The following GARNL3 variants were observed in gnomAD, a reference collection of about 807,000 sequenced individuals.
GARNL3 encodes the protein GTPase-activating Rap/Ran-GAP domain-like protein 3.
Under a neutral mutation model 125.0 loss-of-function variants are expected in GARNL3, and 63 were observed. That is an observed-to-expected ratio of 0.50 (90% CI 0.41 to 0.62). The LOEUF is 0.62. Among genes scored for constraint, GARNL3 ranks in the 20% least tolerant of loss-of-function variants. The pLI is 0.00. For synonymous variants in GARNL3, 439 were observed against 457.5 expected, an observed-to-expected ratio of 0.96 and a Z score of 0.52; for missense variants, 994 against 1,244.0, an observed-to-expected ratio of 0.80 and a Z score of 3.02.
intron 1 of GARNL3, among the ~76,000 whole-genome samples, chr9:127,269,890 A>G (rs1448584650): frequency 1.4e-5 from 2 of 142,016 alleles, no homozygotes; most frequent in African/African-American, 2.6e-5. Flanking sequence ...TCTGTGGCTT[A>G]TTTACTCTGT....
intron 17 of GARNL3, among the ~76,000 whole-genome samples, chr9:127,350,757 C>T (rs1283288402): frequency 1.3e-5 from 2 of 151,298 alleles, no homozygotes; most frequent in African/African-American, 2.4e-5. Context: ...GCCTGGGCAA[C>T]GGAGCAAGAC....
intron 6 of GARNL3, among the ~76,000 whole-genome samples, chr9:127,322,346 C>T (rs2065429793): frequency 6.6e-6 from 1 of 151,906 alleles, no homozygotes. Flanking sequence ...TGAGCCAGTT[C>T]CCTCGGCAGA....
intron 22 of GARNL3, 93 bp downstream of exon 22, chr9:127,365,459 C>A: frequency 9.8e-7 from 1 of 1,017,730 alleles, no homozygotes; most frequent in Non-Finnish European, 1.5e-6. Flanking sequence ...TAGATTTACC[C>A]AGTGTATCAT....
At chr9:127,366,245 ACAT>A (rs934383124) in intron 22 of GARNL3, among the ~76,000 whole-genome samples, 9 of 152,378 alleles carry the variant, frequency 5.9e-5, no homozygotes, top group Non-Finnish European at 7.3e-5. Flanking sequence ...TGTTTTATAA[ACAT>A]CATCTTTCAA....
intron 22 of GARNL3, among the ~76,000 whole-genome samples, chr9:127,376,491 T>G (rs1235443125): frequency 6.6e-6 from 1 of 152,228 alleles, no homozygotes; most frequent in Non-Finnish European, 1.5e-5. Flanking sequence ...GTGCTGAGAT[T>G]ACAGGCATGA....
chr9:127,297,811 G>C (rs954463801), intron 2 of GARNL3, among the ~76,000 whole-genome samples: 4 of 152,162 alleles, frequency 2.6e-5, no homozygotes, highest in African/African-American at 9.7e-5. Context: ...GCAATAAACA[G>C]TGGCTTCATG....
chr9:127,302,239 G>T (rs1325845603), intron 2 of GARNL3, among the ~76,000 whole-genome samples: 2 of 152,096 alleles, frequency 1.3e-5, no homozygotes, highest in Non-Finnish European at 2.9e-5. Context: ...ACCGCGCTCG[G>T]CCGGGAGAAC....
At chr9:127,278,889 C>T (rs537023358) in intron 1 of GARNL3, among the ~76,000 whole-genome samples, 84 of 152,300 alleles carry the variant, frequency 5.5e-4, no homozygotes, top group African/African-American at 1.9e-3. Context: ...TCTGTTATCA[C>T]ATCGCCTTCT....
At chr9:127,295,043 G>C (rs547780380) in intron 2 of GARNL3, among the ~76,000 whole-genome samples, 2 of 152,344 alleles carry the variant, frequency 1.3e-5, no homozygotes, top group African/African-American at 4.8e-5. Flanking sequence ...TTCTCAGACT[G>C]TCCATCTTTT....
intron 13 of GARNL3, among the ~76,000 whole-genome samples, chr9:127,342,005 A>C (rs1204192963): frequency 6.6e-6 from 1 of 152,112 alleles, no homozygotes; most frequent in Non-Finnish European, 1.5e-5. Flanking sequence ...ATTACAGGAG[A>C]TGGCATTTCA....
Position 127,285,437 on chromosome 9 carries a change from A to G in GARNL3, c.145-5731A>G, listed in dbSNP as rs115864823. ...AAACTCGCTTTTCTTTCTTTTCAATATTAGGTCGGTTTTTTTAAAGTTTAC... is the reference window on the plus strand; with the variant it reads ...AAACTCGCTTTTCTTTCTTTTCAATGTTAGGTCGGTTTTTTTAAAGTTTAC... On this transcript the variant is annotated intron_variant, in intron 1 of 27. Transcript: ENST00000373387. Among the ~76,000 whole-genome samples, 1,298 of 152,256 alleles carry G rather than the reference A, an allele frequency of 8.5e-3. 22 individuals carry two copies. Among genetic ancestry groups the G allele is most frequent in the African/African-American group, 0.029 (1,207 of 41,548 alleles).
At chr9:127,376,440 G>A (rs902023957) in intron 22 of GARNL3, among the ~76,000 whole-genome samples, 1 of 151,830 alleles carries the variant, frequency 6.6e-6, no homozygotes, top group Non-Finnish European at 1.5e-5. Flanking sequence ...GGATGGTCTC[G>A]ATCTCCTGAC....
At chr9:127,342,438 G>A (rs1032790020) in intron 14 of GARNL3, 104 bp downstream of exon 14, 25 of 756,262 alleles carry the variant, frequency 3.3e-5, no homozygotes, top group Admixed American at 2.4e-4. Context: ...CGTAGGAGGC[G>A]CCTTGATCCT....
chr9:127,274,134 G>T (rs1012487002), intron 1 of GARNL3, among the ~76,000 whole-genome samples: 2 of 152,118 alleles, frequency 1.3e-5, no homozygotes, highest in African/African-American at 4.8e-5. Context: ...TAATCCTTCT[G>T]TCCTCCATTG....
chr9:127,321,617 G>A (rs897729823), intron 6 of GARNL3, among the ~76,000 whole-genome samples: 6 of 152,114 alleles, frequency 3.9e-5, no homozygotes, highest in East Asian at 1.9e-4. Context: ...TTTAGGTGAC[G>A]GTTTATCAGA....
chr9:127,319,161 C>G lies in GARNL3; in HGVS notation c.503+1034C>G, dbSNP rs4143236. On this transcript the variant is annotated intron_variant, in intron 5 of 27. Transcript: ENST00000373387. ...GGCTCTTACAGTGACAAACTTGACT[C>G]TATCTGTTGGGGACTGCATCTGGCT... 5.4e-3 allele frequency among the ~76,000 whole-genome samples: 816 copies of G among 152,244 alleles called. 23 individuals are homozygous for G. In the East Asian group the frequency reaches 0.081, roughly 15 times the overall value.
chr9:127,375,757 A>G (rs570137076), intron 22 of GARNL3, among the ~76,000 whole-genome samples: 1 of 152,264 alleles, frequency 6.6e-6, no homozygotes, highest in Admixed American at 6.5e-5. Context: ...TAGGTCAAAA[A>G]AGGCATTGCG....
At chr9:127,359,364 C>T (rs1830859461) in intron 21 of GARNL3, among the ~76,000 whole-genome samples, 1 of 152,222 alleles carries the variant, frequency 6.6e-6, no homozygotes. Flanking sequence ...GTGGCACACG[C>T]CTGTAATCCC....
chr9:127,303,866 A>G (rs2064871625), intron 2 of GARNL3, among the ~76,000 whole-genome samples: 1 of 152,134 alleles, frequency 6.6e-6, no homozygotes. Flanking sequence ...CCACAAGTAT[A>G]AGTAGGGGGT....
Sources: allele counts gnomAD v4.1 joint callset (sites outside exome capture counted in the v4.1 genomes callset), GRCh38; gene constraint gnomAD v4.1.1; transcripts MANE v1.5; gene names NCBI Gene and HGNC (gene_info 2026-07-23, HGNC 2026-07-21).